The following FSTL4 variants were observed in gnomAD, a reference collection of about 807,000 sequenced individuals.
FSTL4 encodes the protein follistatin-related protein 4.
A neutral mutation model predicts 78.2 loss-of-function variants in FSTL4; 28 were observed. The observed-to-expected ratio is 0.36, with a 90% CI of 0.27 to 0.49. The LOEUF (loss-of-function observed/expected upper bound fraction) is 0.49. Among genes scored for constraint, FSTL4 ranks in the 20% least tolerant of loss-of-function variants. FSTL4 has a pLI of 0.98. For synonymous variants in FSTL4, 422 were observed against 440.5 expected (o/e 0.96, Z 0.53); for missense variants, 922 against 1,084.9 (o/e 0.85, Z 2.11).
At chr5:133,303,523 G>A (rs1753595499) in intron 6 of FSTL4, among the ~76,000 whole-genome samples, 1 of 152,194 alleles carries the variant, frequency 6.6e-6, no homozygotes, top group Non-Finnish European at 1.5e-5. Context: ...TGAGTGCCCT[G>A]GCCCTGAGTG....
At chr5:133,724,445 T>G in the FSTL4 span, among the ~76,000 whole-genome samples, 1 of 150,050 alleles carries the variant, frequency 6.7e-6, no homozygotes, top group Admixed American at 6.7e-5. Context: ...TCTCCTTCAG[T>G]CCTTTTGGTT....
intron 2 of FSTL4, among the ~76,000 whole-genome samples, chr5:133,591,845 G>A (rs1760634501): frequency 6.6e-6 from 1 of 152,122 alleles, no homozygotes; most frequent in South Asian, 2.1e-4. Flanking sequence ...CTCTAAGCCT[G>A]AGCCCATGAA....
intron 3 of FSTL4, among the ~76,000 whole-genome samples, chr5:133,517,028 G>C (rs930220713): frequency 6.6e-6 from 1 of 151,508 alleles, no homozygotes; most frequent in African/African-American, 2.4e-5. Context: ...AGTAAGCCAT[G>C]ATTGCACCAC....
the FSTL4 span, among the ~76,000 whole-genome samples, chr5:133,654,038 A>G: frequency 6.6e-6 from 1 of 152,326 alleles, no homozygotes; most frequent in East Asian, 1.9e-4. Context: ...AGAAAACTCT[A>G]GGGGCCCTAA....
chr5:133,294,943 G>A (rs1753354270), intron 6 of FSTL4, among the ~76,000 whole-genome samples: 2 of 152,026 alleles, frequency 1.3e-5, no homozygotes, highest in Non-Finnish European at 2.9e-5. Flanking sequence ...AATCTGTCTG[G>A]GTGCTGTCTG....
chr5:133,829,419 T>C, the FSTL4 span, among the ~76,000 whole-genome samples: 1 of 152,008 alleles, frequency 6.6e-6, no homozygotes, highest in African/African-American at 2.4e-5. Flanking sequence ...AGCTCAAACA[T>C]TTCATGGTTG....
the FSTL4 span, among the ~76,000 whole-genome samples, chr5:133,808,320 GGAGA>G: frequency 2.0e-5 from 3 of 152,236 alleles, no homozygotes; most frequent in Non-Finnish European, 4.4e-5. Flanking sequence ...GAACAGAGGA[GGAGA>G]GTGTCCCAGG....
At chr5:133,811,861 C>G in the FSTL4 span, among the ~76,000 whole-genome samples, 29 of 152,184 alleles carry the variant, frequency 1.9e-4, no homozygotes, top group Non-Finnish European at 3.2e-4. Flanking sequence ...TTCCTCTGAG[C>G]TGTATCCTGG....
At chr5:133,339,018 C>T (rs1023831203) in intron 4 of FSTL4, among the ~76,000 whole-genome samples, 7 of 152,172 alleles carry the variant, frequency 4.6e-5, no homozygotes, top group East Asian at 1.9e-4. Flanking sequence ...CCACTGCCTT[C>T]GGGCTGGAGC....
At chr5:133,827,342 C>T in the FSTL4 span, among the ~76,000 whole-genome samples, 5 of 152,218 alleles carry the variant, frequency 3.3e-5, no homozygotes, top group East Asian at 3.9e-4. Flanking sequence ...CTGACAGCAG[C>T]GGGGCGATCA....
At chr5:133,688,318 C>A in the FSTL4 span, among the ~76,000 whole-genome samples, 1 of 152,168 alleles carries the variant, frequency 6.6e-6, no homozygotes, top group Non-Finnish European at 1.5e-5. Context: ...GAGGCTGAGG[C>A]AGGAGAATTG....
chr5:133,299,501 A>G lies in FSTL4; in HGVS notation c.727+13153T>C, dbSNP rs575366230. Among the ~76,000 whole-genome samples the G allele has an allele frequency of 2.6e-5, 4 of 152,134 alleles. No homozygotes were observed. The East Asian group carries it at 5.8e-4, about 22-fold the overall frequency. ...GGTGGGAGGCAGGGAGGCTGTGGAG[A>G]GTCTGGCATGAATTTTCCAAAGTGG... On this transcript the variant is annotated intron_variant, in intron 6 of 15. Coordinates refer to ENST00000265342, the MANE Select transcript of FSTL4 (RefSeq NM_015082.2).
the FSTL4 span, among the ~76,000 whole-genome samples, chr5:133,682,309 C>T: frequency 6.6e-6 from 1 of 152,214 alleles, no homozygotes; most frequent in Non-Finnish European, 1.5e-5. Flanking sequence ...TACTCTCATT[C>T]CCAATCCCCC....
intron 2 of FSTL4, among the ~76,000 whole-genome samples, chr5:133,569,667 T>C (rs2112946352): frequency 6.6e-6 from 1 of 152,316 alleles, no homozygotes; most frequent in Non-Finnish European, 1.5e-5. Flanking sequence ...TTCTCTGGCA[T>C]TTAAGGAGAT....
Position 133,421,186 on chromosome 5 carries a change from G to A in FSTL4, c.161-20200C>T, listed in dbSNP as rs375933855. 3.0e-4 allele frequency among the ~76,000 whole-genome samples: 45 copies of A among 152,354 alleles called. No individual in the cohort carries two copies. In the East Asian group the frequency reaches 7.7e-3, roughly 26 times the overall value. The stretch of plus-strand genomic sequence containing the variant: ...CCCACACCACCAGGCATCTCAGGGC[G>A]GGGCAAGGGTATGGCTGTCACTGCC... On this transcript the variant is annotated intron_variant, in intron 3 of 15. Coordinates refer to ENST00000265342, the MANE Select transcript of FSTL4 (RefSeq NM_015082.2).
At chr5:133,616,683 A>G (rs1331776372), upstream of FSTL4, among the ~76,000 whole-genome samples, 2 of 151,996 alleles carry the variant, frequency 1.3e-5, no homozygotes, top group Non-Finnish European at 2.9e-5. Context: ...GATTACAGGC[A>G]TGAGCTACCT....
At chr5:133,484,658 C>T (rs374664101) in intron 3 of FSTL4, among the ~76,000 whole-genome samples, 4 of 152,196 alleles carry the variant, frequency 2.6e-5, no homozygotes, top group East Asian at 1.9e-4. Flanking sequence ...CCTTTCTACA[C>T]GCTGCTCAGC....
At chr5:133,646,434 A>AT in the FSTL4 span, among the ~76,000 whole-genome samples, 1 of 152,092 alleles carries the variant, frequency 6.6e-6, no homozygotes, top group Admixed American at 6.6e-5. Context: ...GGGTCTTGGG[A>AT]TTTTATTCTG....
intron 6 of FSTL4, among the ~76,000 whole-genome samples, chr5:133,301,214 G>A (rs1045341280): frequency 4.6e-5 from 7 of 152,166 alleles, no homozygotes; most frequent in African/African-American, 1.7e-4. Context: ...AGTCGTGGCT[G>A]GAGCAGAAGT....
Sources: gnomAD v4.1 joint callset for allele counts (sites outside exome capture counted in the v4.1 genomes callset) on GRCh38, gnomAD v4.1.1 for gene constraint, MANE v1.5 for transcripts, NCBI Gene and HGNC (gene_info 2026-07-23, HGNC 2026-07-21) for gene names.